ATP8A2: variants seen among roughly 807,000 people sequenced by gnomAD.
ATP8A2 encodes ATPase phospholipid transporting 8A2, also known as phospholipid-transporting ATPase IB.
In ATP8A2, 100 loss-of-function variants were observed where a neutral mutation model predicts 165.6. The ratio of observed to expected loss-of-function variants is 0.60; its 90% CI spans 0.51 to 0.71. The LOEUF is 0.71. Ranked by LOEUF, ATP8A2 falls within the 30% of genes least tolerant of loss-of-function variation. ATP8A2 has a pLI of 0.00. For synonymous variants in ATP8A2, 543 were observed against 548.8 expected, an observed-to-expected ratio of 0.99 and a Z score of 0.15; for missense variants, 1,227 against 1,479.5, an observed-to-expected ratio of 0.83 and a Z score of 2.80.
At chr13:25,791,852 T>C (rs1228425957) in intron 27 of ATP8A2, among the ~76,000 whole-genome samples, 1 of 152,228 alleles carries the variant, frequency 6.6e-6, no homozygotes, top group Non-Finnish European at 1.5e-5. Flanking sequence ...TTCTTGCTGC[T>C]GAGTATATTT....
At chr13:25,842,354 A>G (rs891480902) in intron 30 of ATP8A2, among the ~76,000 whole-genome samples, 1 of 152,194 alleles carries the variant, frequency 6.6e-6, no homozygotes, top group African/African-American at 2.4e-5. Context: ...AAGCTGAATT[A>G]CAGAGGGCTT....
Position 25,469,111 on chromosome 13 carries a change from A to G in ATP8A2, c.211A>G (p.Asn71Asp), listed in dbSNP as rs2035763238. ...NQPHLNKFRD[N>D]QISTAKYSVL... Reference sequence around the variant, plus strand: ...ACCGCATCTCAACAAATTCCGCGACAACCAGATCAGGTAGGAGAAGGCGGC... The same window carrying G: ...ACCGCATCTCAACAAATTCCGCGACGACCAGATCAGGTAGGAGAAGGCGGC... Residue 71 changes from asparagine to aspartate, a missense_variant, in exon 2 of 37, where the codon AAC (asparagine) becomes GAC (aspartate). Physicochemically the swap from Asn to Asp is conservative, Grantham distance 23. Around this residue, in one of 5 missense-constraint regions of ATP8A2, gnomAD observed 356 missense variants for 394.9 expected, o/e 0.90. Transcript: ENST00000381655. 6.2e-7 allele frequency: 1 copy of G among 1,613,944 alleles called. No homozygotes were observed. Among genetic ancestry groups the G allele is most frequent in the South Asian group, 1.1e-5 (1 of 91,084 alleles).
chr13:25,655,107 C>T (rs2041899114), intron 24 of ATP8A2, among the ~76,000 whole-genome samples: 1 of 152,282 alleles, frequency 6.6e-6, no homozygotes, highest in African/African-American at 2.4e-5. Context: ...GAAGTAGGCA[C>T]TCACCCATGG....
intron 2 of ATP8A2, among the ~76,000 whole-genome samples, chr13:25,478,051 A>C (rs953333091): frequency 1.3e-5 from 2 of 152,200 alleles, no homozygotes; most frequent in Non-Finnish European, 2.9e-5. Context: ...TACTTTAGTA[A>C]ATGTTTGGAT....
chr13:25,885,748 A>G (rs1037650164), intron 33 of ATP8A2, among the ~76,000 whole-genome samples: 9 of 152,194 alleles, frequency 5.9e-5, no homozygotes, highest in African/African-American at 1.9e-4. Flanking sequence ...AGAGCAGGGT[A>G]TTTGTGGAGC....
intron 24 of ATP8A2, among the ~76,000 whole-genome samples, chr13:25,635,978 A>G (rs2041357839): frequency 6.6e-6 from 1 of 152,164 alleles, no homozygotes; most frequent in South Asian, 2.1e-4. Context: ...TAAAGCTTCA[A>G]GTCCAGATTT....
intron 35 of ATP8A2, among the ~76,000 whole-genome samples, chr13:26,011,872 C>G (rs2139355189): frequency 6.6e-6 from 1 of 152,264 alleles, no homozygotes; most frequent in South Asian, 2.1e-4. Flanking sequence ...GAGTTCGAGG[C>G]TGCAGTGAGC....
intron 24 of ATP8A2, among the ~76,000 whole-genome samples, chr13:25,664,558 A>G (rs2042112310): frequency 6.6e-6 from 1 of 152,190 alleles, no homozygotes; most frequent in Admixed American, 6.5e-5. Flanking sequence ...AAACTGTTCA[A>G]GCCAGAGAGA....
At chr13:25,866,591 A>T (rs1215193774) in intron 33 of ATP8A2, among the ~76,000 whole-genome samples, 1 of 152,110 alleles carries the variant, frequency 6.6e-6, no homozygotes, top group Non-Finnish European at 1.5e-5. Flanking sequence ...CCCCAAAAAT[A>T]TGTGCAGGCA....
chr13:25,877,942 A>G (rs1477047913), intron 33 of ATP8A2, among the ~76,000 whole-genome samples: 1 of 152,240 alleles, frequency 6.6e-6, no homozygotes, highest in East Asian at 1.9e-4. Flanking sequence ...GAGAACCCTC[A>G]AAGACCTGAT....
chr13:25,804,262 G>T (rs895594509), intron 27 of ATP8A2, among the ~76,000 whole-genome samples: 1 of 152,110 alleles, frequency 6.6e-6, no homozygotes, highest in African/African-American at 2.4e-5. Flanking sequence ...TGGATTCTTG[G>T]CTGTGAAGGA....
chr13:25,403,946 A>T (rs890572352), intron 1 of ATP8A2, among the ~76,000 whole-genome samples: 1 of 152,220 alleles, frequency 6.6e-6, no homozygotes. Flanking sequence ...AGGGGGCTGC[A>T]GGAAGGGATC....
intron 35 of ATP8A2, among the ~76,000 whole-genome samples, chr13:25,977,026 T>TCCACCCCCACCCCCCCCC (rs1566319959): frequency 5.6e-5 from 7 of 125,452 alleles, no homozygotes; most frequent in African/African-American, 1.3e-4. Flanking sequence ...GACCTTGTGA[T>TCCACCCCCACCCCCCCCC]CCACCCCCAC....
intron 1 of ATP8A2, among the ~76,000 whole-genome samples, chr13:25,394,889 A>T (rs1166138908): frequency 6.6e-6 from 1 of 152,186 alleles, no homozygotes; most frequent in Non-Finnish European, 1.5e-5. Flanking sequence ...GCCTTACTAA[A>T]GCAGCCTTAT....
intron 2 of ATP8A2, among the ~76,000 whole-genome samples, chr13:25,473,446 A>G (rs888314096): frequency 1.3e-5 from 2 of 152,180 alleles, no homozygotes; most frequent in African/African-American, 2.4e-5. Context: ...ATGTTTATAT[A>G]CATATGTAAG....
chr13:25,835,903 G>T (rs1024370593), intron 28 of ATP8A2, among the ~76,000 whole-genome samples: 1 of 152,150 alleles, frequency 6.6e-6, no homozygotes. Context: ...TTTAAAGATC[G>T]AATTGGCTTT....
rs547161967 is a variant in ATP8A2, at chr13:25,704,360, G to A, written c.2384+5015G>A. 3.8e-4 allele frequency among the ~76,000 whole-genome samples: 51 copies of A among 135,518 alleles called. 1 individual carries two copies. The highest frequency in any genetic ancestry group is 4.3e-3 in the Middle Eastern group (1 of 234). 88.9% of individuals were successfully genotyped at this position (135,518 alleles called of 152,430 possible). ...GACTTTTTTTTTTTTTTTTGAGGCA[G>A]TCTTGCTCTGTCACCTAGTCTGGAG... On this transcript the variant is annotated intron_variant, in intron 25 of 36. Coordinates refer to ENST00000381655, the MANE Select transcript of ATP8A2 (RefSeq NM_016529.6).
At chr13:25,863,310 C>T (rs565777454) in intron 33 of ATP8A2, 1 of 152,756 alleles carries the variant, frequency 6.5e-6, no homozygotes, top group Non-Finnish European at 1.5e-5. Context: ...CTCTGGGCTC[C>T]CAGGACCCCT....
intron 29 of ATP8A2, 27 bp downstream of exon 29, chr13:25,837,312 T>C (rs1369810468): frequency 6.2e-7 from 1 of 1,612,462 alleles, no homozygotes; most frequent in East Asian, 2.2e-5. Flanking sequence ...CTCAGAACTG[T>C]CACCTCAGAA....
Sources: gnomAD v4.1 joint callset for allele counts (sites outside exome capture counted in the v4.1 genomes callset) on GRCh38, gnomAD v4.1.1 for gene constraint, gnomAD v4.1.1 regional missense constraint, MANE v1.5 for transcripts, NCBI Gene and HGNC (gene_info 2026-07-23, HGNC 2026-07-21) for gene names.